Variants in DPT observed in about 807,000 individuals in gnomAD.
DPT encodes dermatopontin.
A neutral mutation model predicts 31.2 loss-of-function variants in DPT; 21 were observed. That is an observed-to-expected ratio of 0.67 (90% confidence interval 0.48 to 0.97). The LOEUF is 0.97. Ranked by LOEUF, DPT falls within the 50% of genes least tolerant of loss-of-function variation. The pLI is 0.00. For synonymous variants in DPT, 91 were observed against 86.9 expected, an observed-to-expected ratio of 1.05 and a Z score of -0.26; for missense variants, 262 against 258.8, an observed-to-expected ratio of 1.01 and a Z score of -0.08.
intron 2 of DPT, among the ~76,000 whole-genome samples, chr1:168,709,057 A>G (rs1020568301): frequency 6.6e-6 from 1 of 152,260 alleles, no homozygotes; most frequent in Non-Finnish European, 1.5e-5. Flanking sequence ...GAGACAGAAT[A>G]TCAGGGTTGA....
intron 2 of DPT, 34 bp from the exon 3 acceptor site, chr1:168,701,158 A>G: frequency 6.7e-7 from 1 of 1,489,148 alleles, no homozygotes; most frequent in Non-Finnish European, 9.4e-7. Context: ...GAGGAAAATG[A>G]AACACATTAT....
intron 3 of DPT, among the ~76,000 whole-genome samples, chr1:168,699,234 AC>A (rs1169832364): frequency 6.6e-6 from 1 of 152,102 alleles, no homozygotes; most frequent in Non-Finnish European, 1.5e-5. Flanking sequence ...AGCATTGAGC[AC>A]CCCTGTTATT....
At chr1:168,716,100 G>T (rs1285225948) in intron 1 of DPT, among the ~76,000 whole-genome samples, 1 of 152,184 alleles carries the variant, frequency 6.6e-6, no homozygotes, top group Non-Finnish European at 1.5e-5. Flanking sequence ...TGAACTTGCA[G>T]ATCTAACAAA....
intron 2 of DPT, among the ~76,000 whole-genome samples, chr1:168,704,639 T>C (rs973723303): frequency 2.0e-5 from 3 of 152,214 alleles, no homozygotes; most frequent in Non-Finnish European, 4.4e-5. Flanking sequence ...GAATGACTCT[T>C]GTGGTACAGT....
At chr1:168,727,019 T>C (rs1171429270) in intron 1 of DPT, among the ~76,000 whole-genome samples, 1 of 152,226 alleles carries the variant, frequency 6.6e-6, no homozygotes, top group African/African-American at 2.4e-5. Flanking sequence ...ACAGTCCTGG[T>C]AACCAAGTAG....
At chr1:168,707,181 TA>T (rs1254489042) in intron 2 of DPT, among the ~76,000 whole-genome samples, 1 of 152,184 alleles carries the variant, frequency 6.6e-6, no homozygotes, top group African/African-American at 2.4e-5. Flanking sequence ...GATAGTATCA[TA>T]ATTTTTGTGT....
intron 1 of DPT, among the ~76,000 whole-genome samples, chr1:168,724,379 C>T (rs560822276): frequency 2.0e-5 from 3 of 152,288 alleles, no homozygotes; most frequent in African/African-American, 4.8e-5. Context: ...TGCGGAGGGC[C>T]GTGGGGACAC....
At chr1:168,723,446 C>A (rs750048174) in intron 1 of DPT, among the ~76,000 whole-genome samples, 6 of 152,174 alleles carry the variant, frequency 3.9e-5, no homozygotes, top group Non-Finnish European at 8.8e-5. Context: ...TGCTAATAAG[C>A]ATTTGGTAGT....
rs777536246 is a variant in DPT, at chr1:168,729,114, C to CA, written c.60dup (p.Gly21TrpfsTer12). 1 of 1,614,218 alleles carries CA rather than the reference C, an allele frequency of 6.2e-7. No homozygotes were observed. The highest frequency in any genetic ancestry group is 1.7e-5 in the Admixed American group (1 of 60,034). On this transcript the variant is annotated frameshift_variant, in exon 1 of 4. Coordinates refer to ENST00000367817, the MANE Select transcript of DPT (RefSeq NM_001937.5). LOFTEE classifies it high-confidence loss of function. ...TGCTGGTATGGGTATCCATAATCGC[C>CA]ATACTGGCCCCAGGCCATGGTGACT...
intron 2 of DPT, among the ~76,000 whole-genome samples, chr1:168,711,007 T>TC (rs555015058): frequency 6.6e-6 from 1 of 151,178 alleles, no homozygotes; most frequent in Admixed American, 6.6e-5. Context: ...TGCTTTTTTT[T>TC]TTCTTCTTCT....
chr1:168,701,160 A>G (rs1310238408), intron 2 of DPT, 36 bp from the exon 3 acceptor site: 4 of 1,475,530 alleles, frequency 2.7e-6, no homozygotes, highest in African/African-American at 1.4e-5. Flanking sequence ...GGAAAATGAA[A>G]CACATTATTA....
At chr1:168,720,814 A>T (rs988965643) in intron 1 of DPT, among the ~76,000 whole-genome samples, 1 of 152,216 alleles carries the variant, frequency 6.6e-6, no homozygotes, top group African/African-American at 2.4e-5. Context: ...TCTTTCTTTT[A>T]GAGTAAAGCT....
intron 2 of DPT, among the ~76,000 whole-genome samples, chr1:168,704,110 C>T (rs1649663356): frequency 6.6e-6 from 1 of 152,198 alleles, no homozygotes; most frequent in South Asian, 2.1e-4. Context: ...AGCTGTGACA[C>T]TGGGCTTTGC....
chr1:168,697,448 C>T (rs1156710809), intron 3 of DPT, among the ~76,000 whole-genome samples: 1 of 152,144 alleles, frequency 6.6e-6, no homozygotes, highest in Non-Finnish European at 1.5e-5. Flanking sequence ...AAATGGCTGC[C>T]ATTCTGGCAT....
chr1:168,706,285 G>T (rs1649714813), intron 2 of DPT, among the ~76,000 whole-genome samples: 1 of 152,112 alleles, frequency 6.6e-6, no homozygotes, highest in African/African-American at 2.4e-5. Flanking sequence ...TATATATTCA[G>T]CTAAAAAGAT....
intron 2 of DPT, among the ~76,000 whole-genome samples, chr1:168,710,332 T>A (rs1034090037): frequency 6.6e-6 from 1 of 152,200 alleles, no homozygotes; most frequent in African/African-American, 2.4e-5. Context: ...CACACCTTAG[T>A]GGGACTTGTT....
At chr1:168,728,287 C>A (rs1363098151) in intron 1 of DPT, among the ~76,000 whole-genome samples, 1 of 152,196 alleles carries the variant, frequency 6.6e-6, no homozygotes, top group Non-Finnish European at 1.5e-5. Flanking sequence ...TTAATCAAGG[C>A]AGTAGACAGC....
chr1:168,710,386 T>C (rs540034201), intron 2 of DPT, among the ~76,000 whole-genome samples: 5 of 152,340 alleles, frequency 3.3e-5, no homozygotes, highest in Admixed American at 1.3e-4. Context: ...TCTCTGTACT[T>C]TCCCCACCTT....
intron 1 of DPT, among the ~76,000 whole-genome samples, chr1:168,715,166 A>C (rs1055461214): frequency 2.6e-5 from 4 of 152,200 alleles, no homozygotes; most frequent in African/African-American, 4.8e-5. Context: ...ACTCCAGTCC[A>C]CAGACAAGAA....
Sources: gnomAD v4.1 joint callset for allele counts (sites outside exome capture counted in the v4.1 genomes callset) on GRCh38, gnomAD v4.1.1 for gene constraint, MANE v1.5 for transcripts, NCBI Gene and HGNC (gene_info 2026-07-23, HGNC 2026-07-21) for gene names.